USP34: variants seen among roughly 807,000 people sequenced by gnomAD.
The protein encoded by USP34 is ubiquitin carboxyl-terminal hydrolase 34.
Under a neutral mutation model 460.3 loss-of-function variants are expected in USP34, and 70 were observed. The observed-to-expected ratio is 0.15, with a 90% CI of 0.13 to 0.19. USP34 has a LOEUF of 0.19. Ranked by LOEUF, USP34 falls within the 10% of genes least tolerant of loss-of-function variation. USP34 has a pLI of 1.00. For synonymous variants in USP34, 1,647 were observed against 1,405.3 expected (o/e 1.17, Z -3.85); for missense variants, 3,985 against 4,236.2 (o/e 0.94, Z 1.65).
chr2:61,220,902 G>A (rs1687562317), intron 66 of USP34, among the ~76,000 whole-genome samples: 1 of 152,138 alleles, frequency 6.6e-6, no homozygotes, highest in Non-Finnish European at 1.5e-5. Context: ...CTAGAGTGGG[G>A]GTTGGCAAAC....
At chr2:61,202,839 T>C (rs1687015033) in intron 75 of USP34, among the ~76,000 whole-genome samples, 1 of 152,072 alleles carries the variant, frequency 6.6e-6, no homozygotes, top group Admixed American at 6.6e-5. Flanking sequence ...AGTTTTGTTT[T>C]TTGTTTTCAG....
intron 33 of USP34, among the ~76,000 whole-genome samples, chr2:61,292,700 T>C (rs1689897883): frequency 6.6e-6 from 1 of 151,848 alleles, no homozygotes; most frequent in Non-Finnish European, 1.5e-5. Flanking sequence ...ACTAAGAAAA[T>C]ACTTGAATTC....
chr2:61,335,498 C>A (rs1041110055), intron 18 of USP34, among the ~76,000 whole-genome samples: 1 of 152,186 alleles, frequency 6.6e-6, no homozygotes, highest in Non-Finnish European at 1.5e-5. Context: ...TGCCTGTAAT[C>A]CCAACACTTT....
intron 69 of USP34, among the ~76,000 whole-genome samples, chr2:61,211,211 G>A (rs558704211): frequency 2.6e-5 from 4 of 152,142 alleles, no homozygotes; most frequent in South Asian, 4.1e-4. Context: ...ACACTTCCAA[G>A]TCTTAGATGT....
At chr2:61,422,920 A>G (rs1389627185) in intron 1 of USP34, among the ~76,000 whole-genome samples, 4 of 152,160 alleles carry the variant, frequency 2.6e-5, no homozygotes, top group Non-Finnish European at 5.9e-5. Context: ...GGATCACTCG[A>G]ACCTGGAAGG....
chr2:61,194,355 G>T (rs1686731978), intron 75 of USP34: 1 of 961,380 alleles, frequency 1.0e-6, no homozygotes, highest in Non-Finnish European at 1.2e-6. Flanking sequence ...CATCACATCT[G>T]TGGCTATAGG....
At chr2:61,311,970 C>T (rs545460661) in intron 25 of USP34, 60 bp from the exon 26 acceptor site, 117 of 1,571,146 alleles carry the variant, frequency 7.4e-5, no homozygotes, top group South Asian at 2.1e-4. Flanking sequence ...TTTAATGTTA[C>T]GCAAATTTTT....
At chr2:61,374,804 G>A (rs1335187593) in intron 8 of USP34, among the ~76,000 whole-genome samples, 1 of 152,028 alleles carries the variant, frequency 6.6e-6, no homozygotes, top group African/African-American at 2.4e-5. Flanking sequence ...CCTGACCTCA[G>A]GTGATCCACC....
At chr2:61,296,298 T>C (rs964066596) in intron 30 of USP34, among the ~76,000 whole-genome samples, 10 of 152,108 alleles carry the variant, frequency 6.6e-5, no homozygotes, top group Non-Finnish European at 4.4e-5. Context: ...AAACAGTCTT[T>C]AATGTTAAAG....
chr2:61,334,453 C>A (rs1376902010), intron 18 of USP34, among the ~76,000 whole-genome samples: 2 of 152,028 alleles, frequency 1.3e-5, no homozygotes, highest in Non-Finnish European at 2.9e-5. Context: ...CTGAAAGGAA[C>A]AGGTACAGGA....
rs1206097714 is a variant in USP34, at chr2:61,387,711, A to G, written c.754-4375T>C. Among the ~76,000 whole-genome samples, 4 of 148,030 alleles carry G rather than the reference A, an allele frequency of 2.7e-5. No individual in the cohort carries two copies. The East Asian group carries it at 5.9e-4, about 22-fold the overall frequency. ...TTTACATATACACACATGTAAAAAT[A>G]TATTTTTACGTATACACACATGTAA... is the stretch of plus-strand genomic sequence containing the variant. On this transcript the variant is annotated intron_variant, in intron 5 of 79. Coordinates refer to ENST00000398571, the MANE Select transcript of USP34 (RefSeq NM_014709.4).
At chr2:61,459,661 CAGCT>C (rs1242157115) in intron 1 of USP34, among the ~76,000 whole-genome samples, 3 of 151,764 alleles carry the variant, frequency 2.0e-5, no homozygotes, top group Non-Finnish European at 4.4e-5. Flanking sequence ...CCTGTAATCC[CAGCT>C]ACTCAGGAGG....
intron 1 of USP34, among the ~76,000 whole-genome samples, chr2:61,451,123 A>C (rs1194246546): frequency 3.4e-5 from 5 of 145,784 alleles, no homozygotes; most frequent in Non-Finnish European, 7.5e-5. Flanking sequence ...CGGGACGCTG[A>C]GACAGGAGAA....
intron 41 of USP34, among the ~76,000 whole-genome samples, chr2:61,274,193 C>T (rs1689303177): frequency 6.6e-6 from 1 of 151,812 alleles, no homozygotes; most frequent in Admixed American, 6.6e-5. Context: ...AGTTCAAAAC[C>T]AGCCTGGCCA....
intron 12 of USP34, among the ~76,000 whole-genome samples, chr2:61,349,564 G>C (rs1472005112): frequency 6.6e-6 from 1 of 152,108 alleles, no homozygotes; most frequent in Admixed American, 6.5e-5. Context: ...CCACTGGCCA[G>C]ATGCAGTGGG....
At chr2:61,205,412 A>T (rs965643271) in intron 72 of USP34, among the ~76,000 whole-genome samples, 3 of 152,268 alleles carry the variant, frequency 2.0e-5, no homozygotes, top group Non-Finnish European at 2.9e-5. Flanking sequence ...AAGTAATTGC[A>T]CAGAACGTCA....
In USP34 at chr2:61,399,734, G is replaced by A. The variant is rs532223222; in HGVS notation, c.553-4501C>T. ...AAAAACACAAAAAAATTAGCCAGGCGTGGTGGCGGGCGCCTGTAATCCCAA... is the reference window on the plus strand; with the variant it reads ...AAAAACACAAAAAAATTAGCCAGGCATGGTGGCGGGCGCCTGTAATCCCAA... On this transcript the variant is annotated intron_variant, in intron 3 of 79. Transcript: ENST00000398571. 1.2e-4 allele frequency among the ~76,000 whole-genome samples: 18 copies of A among 151,844 alleles called. No individual in the cohort carries two copies. The South Asian group carries it at 2.9e-3, about 25-fold the overall frequency.
At chr2:61,358,050 G>T (rs1692157959) in intron 10 of USP34, among the ~76,000 whole-genome samples, 1 of 152,080 alleles carries the variant, frequency 6.6e-6, no homozygotes. Flanking sequence ...AAATTTGCTG[G>T]GTGTGGTGGC....
At chr2:61,233,942 T>C (rs1572857183) in intron 57 of USP34, among the ~76,000 whole-genome samples, 1 of 152,300 alleles carries the variant, frequency 6.6e-6, no homozygotes, top group East Asian at 1.9e-4. Flanking sequence ...TTTTCTTATG[T>C]TAGAAATATA....
Sources: gnomAD v4.1 joint callset for allele counts (sites outside exome capture counted in the v4.1 genomes callset) on GRCh38, gnomAD v4.1.1 for gene constraint, MANE v1.5 for transcripts, NCBI Gene and HGNC (gene_info 2026-07-23, HGNC 2026-07-21) for gene names.